Variants in AKAP19 observed in about 807,000 individuals in gnomAD.
AKAP19 encodes small A-kinase anchoring protein.
At chr2:189,996,221 G>A in the AKAP19 span, among the ~76,000 whole-genome samples, 11 of 152,162 alleles carry the variant, frequency 7.2e-5, no homozygotes, top group Admixed American at 6.5e-5. Flanking sequence ...TTCTTCCTCA[G>A]GAGCACTAAT....
chr2:190,027,333 G>T, the AKAP19 span, among the ~76,000 whole-genome samples: 2 of 152,118 alleles, frequency 1.3e-5, no homozygotes, highest in Non-Finnish European at 2.9e-5. Flanking sequence ...GTCTCAACTA[G>T]CTAATTTCTC....
the AKAP19 span, chr2:190,055,550 AC>A: frequency 6.6e-6 from 1 of 152,206 alleles, no homozygotes; most frequent in Non-Finnish European, 1.5e-5. Context: ...AAGCAACTTG[AC>A]CAGGACCAAT....
At chr2:190,063,705 G>A in the AKAP19 span, among the ~76,000 whole-genome samples, 3 of 152,050 alleles carry the variant, frequency 2.0e-5, no homozygotes, top group Non-Finnish European at 2.9e-5. Flanking sequence ...CCAATACTGC[G>A]ATATGTTTGC....
At chr2:190,010,576 T>C in the AKAP19 span, among the ~76,000 whole-genome samples, 1 of 152,210 alleles carries the variant, frequency 6.6e-6, no homozygotes, top group Non-Finnish European at 1.5e-5. Context: ...GTTTTTGTTC[T>C]AGATTCATCT....
At chr2:190,092,046 G>A in the AKAP19 span, among the ~76,000 whole-genome samples, 1 of 151,888 alleles carries the variant, frequency 6.6e-6, no homozygotes, top group South Asian at 2.1e-4. Context: ...ATACTATATT[G>A]TATTATGTTA....
chr2:190,022,981 T>C, the AKAP19 span, among the ~76,000 whole-genome samples: 2 of 152,154 alleles, frequency 1.3e-5, no homozygotes, highest in Non-Finnish European at 2.9e-5. Context: ...CTGAGAATGT[T>C]AGGCCAATGT....
the AKAP19 span, among the ~76,000 whole-genome samples, chr2:190,182,462 C>G: frequency 6.6e-6 from 1 of 152,154 alleles, no homozygotes; most frequent in South Asian, 2.1e-4. Flanking sequence ...AGTTTCTCAT[C>G]TGTAAAATGG....
the AKAP19 span, among the ~76,000 whole-genome samples, chr2:190,038,932 T>TTCTTCTTCTTCTTCTTCTTCC: frequency 9.2e-5 from 13 of 141,202 alleles, no homozygotes; most frequent in African/African-American, 3.7e-4. Flanking sequence ...CTTCTTCTTC[T>TTCTTCTTCTTCTTCTTCTTCC]TCTTCTTCTT....
At chr2:189,986,856 A>T in the AKAP19 span, among the ~76,000 whole-genome samples, 2 of 152,152 alleles carry the variant, frequency 1.3e-5, no homozygotes, top group Non-Finnish European at 2.9e-5. Context: ...ATTCTTTGCA[A>T]AGGTCAAATT....
At chr2:190,126,411 C>T in the AKAP19 span, among the ~76,000 whole-genome samples, 1 of 139,656 alleles carries the variant, frequency 7.2e-6, no homozygotes, top group Admixed American at 7.5e-5. Context: ...TATAAGATAG[C>T]ATAGTTACCT....
the AKAP19 span, among the ~76,000 whole-genome samples, chr2:190,036,456 G>C: frequency 2.0e-5 from 3 of 152,162 alleles, no homozygotes; most frequent in Non-Finnish European, 4.4e-5. Flanking sequence ...CTTCTATGTA[G>C]AGTTAAAATA....
chr2:190,080,520 A>G, the AKAP19 span, among the ~76,000 whole-genome samples: 3 of 152,216 alleles, frequency 2.0e-5, no homozygotes, highest in African/African-American at 7.2e-5. Flanking sequence ...GAATGAGGTG[A>G]TCTCTATATA....
the AKAP19 span, among the ~76,000 whole-genome samples, chr2:190,192,259 A>G: frequency 6.6e-6 from 1 of 151,986 alleles, no homozygotes; most frequent in Non-Finnish European, 1.5e-5. Flanking sequence ...TCAGTTTACC[A>G]TATTTTTATG....
the AKAP19 span, among the ~76,000 whole-genome samples, chr2:190,144,902 G>A: frequency 0.059 from 9,021 of 152,022 alleles, 337 homozygotes; most frequent in Middle Eastern, 0.11. Context: ...ACTTGAACCC[G>A]GGAGGTGGAG....
chr2:190,179,364 G>C, the AKAP19 span, among the ~76,000 whole-genome samples: 2 of 151,464 alleles, frequency 1.3e-5, no homozygotes, highest in African/African-American at 4.9e-5. This position sits in a 1 kb window ranked among gnomAD's most constrained non-coding sequence, Gnocchi z 6.0. Flanking sequence ...CCAAGATTGC[G>C]CCATTGCACT....
At chr2:190,180,731 G>C in the AKAP19 span, 2 of 985,158 alleles carry the variant, frequency 2.0e-6, no homozygotes, top group African/African-American at 3.5e-5. This position sits in a 1 kb window ranked among gnomAD's most constrained non-coding sequence, Gnocchi z 6.8. Context: ...CCCTGGAGCC[G>C]AGCGCCCTTG....
chr2:190,083,511 C>G, the AKAP19 span, among the ~76,000 whole-genome samples: 1 of 144,480 alleles, frequency 6.9e-6, no homozygotes, highest in Non-Finnish European at 1.5e-5. Flanking sequence ...TATAAGAGTT[C>G]CATTTGACCT....
the AKAP19 span, among the ~76,000 whole-genome samples, chr2:190,113,147 C>CT: frequency 4.6e-5 from 7 of 152,114 alleles, no homozygotes; most frequent in Non-Finnish European, 8.8e-5. Flanking sequence ...GCTATTTTCA[C>CT]TTTTTTGTGC....
the AKAP19 span, among the ~76,000 whole-genome samples, chr2:190,018,270 C>T: frequency 2.0e-5 from 3 of 152,092 alleles, no homozygotes; most frequent in South Asian, 4.1e-4. Flanking sequence ...TCTGGAAATC[C>T]TATTCTATCA....
Sources: gnomAD v4.1 joint callset for allele counts (sites outside exome capture counted in the v4.1 genomes callset) on GRCh38, gnomAD v4.1.1 for gene constraint, Gnocchi (gnomAD v3.1) non-coding constraint, MANE v1.5 for transcripts, NCBI Gene and HGNC (gene_info 2026-07-23, HGNC 2026-07-21) for gene names.